TTC1: variants seen among roughly 807,000 people sequenced by gnomAD.
TTC1 encodes the protein tetratricopeptide repeat domain 1.
TTC1 carries 31 observed loss-of-function variants against 37.6 expected under a neutral mutation model. The observed-to-expected ratio is 0.82, with a 90% confidence interval of 0.62 to 1.11. The LOEUF (loss-of-function observed/expected upper bound fraction) is 1.11, where lower values mean the gene tolerates loss of function less well. TTC1 is among the 50% of genes most tolerant of loss of function. TTC1 has a pLI of 0.00. For missense variants in TTC1, 351 were observed against 339.0 expected, an observed-to-expected ratio of 1.04 and a Z score of -0.28; for synonymous variants, 127 against 122.4, an observed-to-expected ratio of 1.04 and a Z score of -0.25.
chr5:160,062,469 C>A, intron 7 of TTC1, among the ~76,000 whole-genome samples: 1 of 152,220 alleles, frequency 6.6e-6, no homozygotes, highest in Non-Finnish European at 1.5e-5. Context: ...ACACCTCCGT[C>A]TTTTGGGTCT....
chr5:160,048,149 T>A, intron 5 of TTC1, among the ~76,000 whole-genome samples: 1 of 136,604 alleles, frequency 7.3e-6, no homozygotes, highest in Admixed American at 7.6e-5. Context: ...TTTTTTTTTT[T>A]TTTTTTTTTT....
intron 2 of TTC1, among the ~76,000 whole-genome samples, chr5:160,020,083 C>G (rs1237346871): frequency 1.3e-5 from 2 of 151,942 alleles, no homozygotes; most frequent in Non-Finnish European, 2.9e-5. Flanking sequence ...TGCCCACCAC[C>G]ACACCCAGCT....
intron 2 of TTC1, among the ~76,000 whole-genome samples, chr5:160,014,660 G>A (rs1052850872): frequency 6.6e-6 from 1 of 152,062 alleles, no homozygotes; most frequent in Non-Finnish European, 1.5e-5. Flanking sequence ...CCATGATCAC[G>A]CCACTGCACC....
intron 5 of TTC1, among the ~76,000 whole-genome samples, chr5:160,045,546 T>TCTCTCTCCCC (rs1334586226): frequency 7.8e-6 from 1 of 128,218 alleles, no homozygotes; most frequent in Non-Finnish European, 1.6e-5. Flanking sequence ...TCTCTCTCTC[T>TCTCTCTCCCC]CTCTCTCCCC....
At chr5:160,045,053 T>C (rs1456127880) in intron 5 of TTC1, among the ~76,000 whole-genome samples, 1 of 152,208 alleles carries the variant, frequency 6.6e-6, no homozygotes, top group Non-Finnish European at 1.5e-5. Flanking sequence ...GAAGAAGTTA[T>C]TTAACCTATT....
intron 2 of TTC1, among the ~76,000 whole-genome samples, chr5:160,011,483 T>C (rs1756501888): frequency 6.6e-6 from 1 of 152,230 alleles, no homozygotes; most frequent in Non-Finnish European, 1.5e-5. Context: ...GGAAACAGCT[T>C]AGAGGGATGA....
At chr5:160,062,343 G>T (rs1367035176) in intron 7 of TTC1, among the ~76,000 whole-genome samples, 1 of 152,176 alleles carries the variant, frequency 6.6e-6, no homozygotes, top group Non-Finnish European at 1.5e-5. Context: ...GCCTGAGGAA[G>T]CTGCCATCTC....
chr5:160,053,291 T>A (rs546538464), intron 7 of TTC1, among the ~76,000 whole-genome samples: 25 of 152,314 alleles, frequency 1.6e-4, no homozygotes, highest in African/African-American at 5.1e-4. Flanking sequence ...AGTTAAAAAT[T>A]TTTTAAATTG....
chr5:160,051,286 T>C (rs1757398521), intron 7 of TTC1, 103 bp downstream of exon 7: 2 of 914,092 alleles, frequency 2.2e-6, no homozygotes, highest in African/African-American at 3.3e-5. Flanking sequence ...AGTTTCGGAC[T>C]CTACCACAAG....
chr5:160,010,491 T>A lies in TTC1; in HGVS notation c.-29-9T>A. 2 of 1,571,602 alleles carry A rather than the reference T, an allele frequency of 1.3e-6. No individual in the cohort carries two copies. Among genetic ancestry groups the A allele is most frequent in the Middle Eastern group, 1.8e-4 (1 of 5,704 alleles). On this transcript the variant is annotated splice_polypyrimidine_tract_variant and intron_variant, in intron 1 of 7. Transcript: ENST00000231238. Reference sequence around the variant, plus strand: ...CATTATATAGCAGTTTTGTTTTGTTTTCCCCCAGCTTTAGCGTCACCTCCC... The same window carrying A: ...CATTATATAGCAGTTTTGTTTTGTTATCCCCCAGCTTTAGCGTCACCTCCC...
chr5:160,047,254 C>CCA (rs139852137), intron 5 of TTC1, among the ~76,000 whole-genome samples: 5 of 151,874 alleles, frequency 3.3e-5, no homozygotes, highest in African/African-American at 7.3e-5. Context: ...TGCCCAGCCC[C>CCA]CACACACACA....
At chr5:160,054,385 G>T (rs1757486367) in intron 7 of TTC1, among the ~76,000 whole-genome samples, 1 of 152,196 alleles carries the variant, frequency 6.6e-6, no homozygotes, top group Non-Finnish European at 1.5e-5. Context: ...AGGCCAAGGT[G>T]GGAGGATTGC....
chr5:160,043,138 G>A lies in TTC1; in HGVS notation c.510G>A (p.Lys170=), dbSNP rs1757130391. Residue 170 remains lysine, a synonymous_variant, in exon 5 of 8, where the codon AAG becomes AAA. Transcript: ENST00000231238. ...AATACTGTTTTTCTTTTTAGGACAA[G>A]AAAGAAATGGCCATCAATGACTGCA... The part of the protein sequence containing the change: ...NRAAARMKQD[K]KEMAINDCSK... The A allele has an allele frequency of 1.2e-5, 19 of 1,613,112 alleles. No individual in the cohort carries two copies. Among genetic ancestry groups the A allele is most frequent in the Non-Finnish European group, 1.6e-5 (19 of 1,179,616 alleles).
At chr5:160,013,367 TAAAATAAAGTTC>T (rs1756536179) in intron 2 of TTC1, among the ~76,000 whole-genome samples, 1 of 151,738 alleles carries the variant, frequency 6.6e-6, no homozygotes, top group African/African-American at 2.4e-5. Context: ...TTGAATCTTT[TAAAATAAAGTTC>T]AGATAGTTCA....
chr5:160,049,465 T>G, intron 5 of TTC1, 49 bp from the exon 6 acceptor site: 7 of 1,494,942 alleles, frequency 4.7e-6, no homozygotes. Context: ...GCCAAAGATA[T>G]GTAGGCCATT....
chr5:160,051,082 G>T lies in TTC1; in HGVS notation c.691-47G>T, dbSNP rs1295575877. The stretch of plus-strand genomic sequence containing the variant: ...ATTCAAAATAAAGGGAAAGGTTTTG[G>T]TTTTTTTTTTTTTTTTACCAACCCT... On this transcript the variant is annotated intron_variant, in intron 6 of 7. Coordinates refer to ENST00000231238, the MANE Select transcript of TTC1 (RefSeq NM_003314.3). 5.7e-5 allele frequency: 70 copies of T among 1,236,780 alleles called. No individual in the cohort carries two copies. In the Middle Eastern group the frequency reaches 8.0e-4, roughly 14 times the overall value. The allele number at this position is 1,236,780 out of a possible 1,614,324, so 76.6% of individuals were successfully genotyped here. A position where few individuals can be genotyped will look rare whatever the true frequency, so the allele number is the denominator to read the frequency against.
chr5:160,022,927 T>C (rs1377292371), intron 2 of TTC1, among the ~76,000 whole-genome samples: 1 of 152,188 alleles, frequency 6.6e-6, no homozygotes, highest in African/African-American at 2.4e-5. Flanking sequence ...AATTGAGTTA[T>C]TCATTCAGCA....
intron 7 of TTC1, among the ~76,000 whole-genome samples, chr5:160,062,747 T>G (rs1364223769): frequency 6.6e-6 from 1 of 151,990 alleles, no homozygotes; most frequent in African/African-American, 2.4e-5. Flanking sequence ...CTTCACTCAC[T>G]CCATATCACA....
At chr5:160,040,768 C>A (rs562800189) in intron 4 of TTC1, among the ~76,000 whole-genome samples, 2 of 151,374 alleles carry the variant, frequency 1.3e-5, no homozygotes, top group Non-Finnish European at 2.9e-5. Context: ...GTTTGGTTTT[C>A]TTTTAATTTT....
Sources: allele counts gnomAD v4.1 joint callset (sites outside exome capture counted in the v4.1 genomes callset), GRCh38; gene constraint gnomAD v4.1.1; transcripts MANE v1.5; gene names NCBI Gene and HGNC (gene_info 2026-07-23, HGNC 2026-07-21).